The following ZNF33B variants were observed in gnomAD, a reference collection of about 807,000 sequenced individuals.
ZNF33B encodes the protein zinc finger protein 11b (KOX 2).
ZNF33B carries 29 observed loss-of-function variants against 45.8 expected under a neutral mutation model. That is an observed-to-expected ratio of 0.63 (90% CI 0.47 to 0.86). The LOEUF (loss-of-function observed/expected upper bound fraction) is 0.86, where lower values mean the gene tolerates loss of function less well. Ranked by LOEUF, ZNF33B falls within the 40% of genes least tolerant of loss-of-function variation. ZNF33B has a pLI of 0.00. For synonymous variants in ZNF33B, 305 were observed against 307.8 expected (o/e 0.99, Z 0.10); for missense variants, 831 against 909.9 (o/e 0.91, Z 1.12).
chr10:42,594,101 G>C lies in ZNF33B; in HGVS notation c.849C>G (p.Phe283Leu). Residue 283 changes from phenylalanine to leucine, a missense_variant, in exon 5 of 5, where the codon TTC becomes TTG. Coordinates refer to ENST00000359467, the MANE Select transcript of ZNF33B (RefSeq NM_006955.3). ...SHYEFSDCEK[F>L]LCVKSTLSKH... The stretch of plus-strand genomic sequence containing the variant: ...TAGAAAGGGTGGACTTCACACATAA[G>C]AACTTCTCACAATCACTAAATTCAT... 1 of 1,613,998 alleles carries C rather than the reference G, an allele frequency of 6.2e-7. No individual in the cohort carries two copies. The highest frequency in any genetic ancestry group is 8.5e-7 in the Non-Finnish European group (1 of 1,179,948).
At chr10:42,627,134 G>A (rs1404501547) in intron 4 of ZNF33B, among the ~76,000 whole-genome samples, 1 of 149,722 alleles carries the variant, frequency 6.7e-6, no homozygotes, top group Non-Finnish European at 1.5e-5. Flanking sequence ...CTCCTGAGTA[G>A]CTGGGATTAC....
At chr10:42,637,000 A>G in intron 1 of ZNF33B, 28 bp from the exon 2 acceptor site, 1 of 1,611,382 alleles carries the variant, frequency 6.2e-7, no homozygotes, top group East Asian at 2.2e-5. Context: ...GAATGGGGTC[A>G]TGAAAGATTT....
At chr10:42,635,243 A>G (rs1006133942) in intron 2 of ZNF33B, among the ~76,000 whole-genome samples, 47 of 152,006 alleles carry the variant, frequency 3.1e-4, no homozygotes, top group South Asian at 1.9e-3. Flanking sequence ...ATTCTCCAAA[A>G]AAAAAAAAAA....
chr10:42,637,944 G>T (rs1345861617), intron 1 of ZNF33B, among the ~76,000 whole-genome samples: 1 of 152,188 alleles, frequency 6.6e-6, no homozygotes, highest in Non-Finnish European at 1.5e-5. Flanking sequence ...GAGCCACCGC[G>T]CTAGGCCAAA....
At chr10:42,596,498 C>CTAAT (rs1837405192) in intron 4 of ZNF33B, among the ~76,000 whole-genome samples, 1 of 152,070 alleles carries the variant, frequency 6.6e-6, no homozygotes, top group South Asian at 2.1e-4. Context: ...AGAAATCCTG[C>CTAAT]TAATTACTAC....
At chr10:42,621,891 C>T (rs1838607969) in intron 4 of ZNF33B, among the ~76,000 whole-genome samples, 2 of 152,132 alleles carry the variant, frequency 1.3e-5, no homozygotes. Context: ...CAAAGGAAGA[C>T]ATAAAACTAT....
chr10:42,638,335 T>C, intron 1 of ZNF33B, 139 bp downstream of exon 1: 2 of 309,970 alleles, frequency 6.5e-6, no homozygotes, highest in Non-Finnish European at 1.3e-5. Context: ...CTGGTAGACA[T>C]GCTGCAGCCC....
downstream of ZNF33B, among the ~76,000 whole-genome samples, chr10:42,586,318 T>A (rs915214872): frequency 1.3e-5 from 2 of 151,954 alleles, no homozygotes; most frequent in Non-Finnish European, 2.9e-5. Flanking sequence ...CACGCCTGGC[T>A]TTTTGTATTT....
intron 4 of ZNF33B, among the ~76,000 whole-genome samples, chr10:42,596,349 C>A (rs1837399600): frequency 6.6e-6 from 1 of 151,992 alleles, no homozygotes; most frequent in Non-Finnish European, 1.5e-5. Flanking sequence ...CAAGTCTCAG[C>A]AAACTTTTAC....
intron 4 of ZNF33B, among the ~76,000 whole-genome samples, chr10:42,595,767 A>C (rs1203444684): frequency 3.9e-5 from 6 of 152,208 alleles, no homozygotes; most frequent in Non-Finnish European, 5.9e-5. Flanking sequence ...CACCAGAAGA[A>C]AATGCCATCT....
At chr10:42,615,539 AT>A (rs1312425539) in intron 4 of ZNF33B, among the ~76,000 whole-genome samples, 1 of 152,188 alleles carries the variant, frequency 6.6e-6, no homozygotes, top group African/African-American at 2.4e-5. Context: ...AGAAAATTCA[AT>A]TTTGGTTGCC....
At chr10:42,575,731 T>TATATAC (rs1564486174) in intron 1 of ZNF33B, among the ~76,000 whole-genome samples, 2 of 122,860 alleles carry the variant, frequency 1.6e-5, no homozygotes, top group Admixed American at 8.8e-5. Flanking sequence ...TATATATACA[T>TATATAC]ATATATTTTT....
At chr10:42,586,324 T>A (rs541209067), downstream of ZNF33B, among the ~76,000 whole-genome samples, 4 of 152,224 alleles carry the variant, frequency 2.6e-5, no homozygotes, top group Admixed American at 2.6e-4. Context: ...TGGCTTTTTG[T>A]ATTTTTAGTA....
At chr10:42,584,240 A>G (rs1294673650), downstream of ZNF33B, among the ~76,000 whole-genome samples, 2 of 152,198 alleles carry the variant, frequency 1.3e-5, no homozygotes, top group Non-Finnish European at 2.9e-5. Context: ...TGGAATGTGT[A>G]CCAAGGAAAT....
intron 4 of ZNF33B, among the ~76,000 whole-genome samples, chr10:42,611,204 G>T (rs1838082854): frequency 6.6e-6 from 1 of 152,090 alleles, no homozygotes; most frequent in African/African-American, 2.4e-5. Flanking sequence ...AGCCAAGTGT[G>T]GTGGCACATG....
At chr10:42,606,595 A>G (rs1297738401) in intron 4 of ZNF33B, among the ~76,000 whole-genome samples, 2 of 152,160 alleles carry the variant, frequency 1.3e-5, no homozygotes, top group African/African-American at 4.8e-5. Context: ...AACTCTACAA[A>G]TAGATACTTC....
chr10:42,610,942 G>C (rs1406202002), intron 4 of ZNF33B, among the ~76,000 whole-genome samples: 1 of 152,164 alleles, frequency 6.6e-6, no homozygotes, highest in Non-Finnish European at 1.5e-5. Flanking sequence ...CATGATAGTG[G>C]CATAGAGGTA....
rs181840668 is a variant in ZNF33B, at chr10:42,619,792, A to G, written c.250+12137T>C. ...TGATATTGAAGTTATGAGGGAATCAATTTAAACTAGATTGTCATGAATTTA... is the reference window on the plus strand; with the variant it reads ...TGATATTGAAGTTATGAGGGAATCAGTTTAAACTAGATTGTCATGAATTTA... On this transcript the variant is annotated intron_variant, in intron 4 of 4. Transcript: ENST00000359467. 7.1e-3 allele frequency among the ~76,000 whole-genome samples: 1,080 copies of G among 152,336 alleles called. 15 individuals are homozygous for G. Among genetic ancestry groups the G allele is most frequent in the Non-Finnish European group, 7.4e-3 (502 of 68,044 alleles).
rs201116909 is a variant in ZNF33B at position 42,606,470 on chromosome 10, GA to G, written c.251-11772del. 1.4e-3 allele frequency among the ~76,000 whole-genome samples: 207 copies of G among 151,540 alleles called. 1 individual carries two copies. Among genetic ancestry groups the G allele is most frequent in the African/African-American group, 4.7e-3 (195 of 41,414 alleles). On this transcript the variant is annotated intron_variant, in intron 4 of 4. Transcript: ENST00000359467. The stretch of plus-strand genomic sequence containing the variant: ...ACAAAGCGAGACTCCATCTCAGGGG[GA>G]AAAAAAATAGGTACAGATCTGTACT...
Sources: allele counts gnomAD v4.1 joint callset (sites outside exome capture counted in the v4.1 genomes callset), GRCh38; gene constraint gnomAD v4.1.1; transcripts MANE v1.5; gene names NCBI Gene and HGNC (gene_info 2026-07-23, HGNC 2026-07-21).